WDFY3: variants seen among roughly 807,000 people sequenced by gnomAD.
WDFY3 encodes the protein WD repeat and FYVE domain-containing protein 3.
A neutral mutation model predicts 409.6 loss-of-function variants in WDFY3; 66 were observed. The observed-to-expected ratio is 0.16, with a 90% CI of 0.13 to 0.20. WDFY3 has a LOEUF of 0.20. Ranked by LOEUF, WDFY3 falls within the 10% of genes least tolerant of loss-of-function variation. WDFY3 has a pLI of 1.00. For missense variants in WDFY3, 3,031 were observed against 4,298.1 expected, an observed-to-expected ratio of 0.71 and a Z score of 8.24; for synonymous variants, 1,521 against 1,537.1, an observed-to-expected ratio of 0.99 and a Z score of 0.25.
At chr4:84,925,758 T>C (rs1446657732) in intron 2 of WDFY3, among the ~76,000 whole-genome samples, 1 of 152,044 alleles carries the variant, frequency 6.6e-6, no homozygotes, top group Non-Finnish European at 1.5e-5. Flanking sequence ...CATATTAAAG[T>C]ATGAAGTTTT....
chr4:84,803,301 T>C lies in WDFY3; in HGVS notation c.2596A>G (p.Thr866Ala), dbSNP rs1179509116. 6.2e-7 allele frequency: 1 copy of C among 1,606,782 alleles called. No individual in the cohort carries two copies. The highest frequency in any genetic ancestry group is 1.3e-5 in the African/African-American group (1 of 74,520). The change falls in exon 16 of 68, where the codon ACA becomes GCA. Residue 866 changes from threonine (T) to alanine (A), a missense_variant. Physicochemically the swap from Thr to Ala is moderately conservative, Grantham distance 58. Around this residue, in one of 16 missense-constraint regions of WDFY3, gnomAD observed 1,322 missense variants for 1,697.9 expected, o/e 0.78. Transcript: ENST00000295888. ...ATATTCAAGCTTACTTCTGGCTGTG[T>C]CACTGACCCAACAGAGGCCAGTAGG... ...LDLLASVGSV[T>A]QPEHALDLQL...
intron 55 of WDFY3, 131 bp from the exon 56 acceptor site, chr4:84,702,637 C>A: frequency 1.4e-6 from 1 of 717,910 alleles, no homozygotes; most frequent in Non-Finnish European, 2.1e-6. Flanking sequence ...ACATTAAATA[C>A]GCACAAATTT....
intron 3 of WDFY3, among the ~76,000 whole-genome samples, chr4:84,884,140 G>A (rs1362362228): frequency 6.6e-6 from 1 of 152,028 alleles, no homozygotes; most frequent in Non-Finnish European, 1.5e-5. Context: ...ACTGAGTCAC[G>A]CCAAGACATT....
At chr4:84,936,003 C>T (rs949564980) in intron 1 of WDFY3, among the ~76,000 whole-genome samples, 5 of 152,084 alleles carry the variant, frequency 3.3e-5, no homozygotes, top group African/African-American at 1.2e-4. Context: ...TCCTTGCCTC[C>T]AATTTAGAGT....
At chr4:84,936,977 T>G (rs573678373) in intron 1 of WDFY3, among the ~76,000 whole-genome samples, 6 of 152,106 alleles carry the variant, frequency 3.9e-5, no homozygotes, top group African/African-American at 1.4e-4. Context: ...TAAAGCAAAA[T>G]CACTGGCAAA....
At position 84,688,258 on chromosome 4, in the gene WDFY3, A is replaced by C. The variant is rs145513345; in HGVS notation, c.9371T>G (p.Leu3124Arg). 6.2e-7 allele frequency: 1 copy of C among 1,613,370 alleles called. No homozygotes were observed. The change falls in exon 62 of 68, where the codon CTG (leucine) becomes CGG (arginine). Residue 3124 changes from leucine (L) to arginine (R), a missense_variant. Leu to Arg is a moderately radical substitution (Grantham distance 102). Transcript: ENST00000295888. The part of the protein sequence containing the change: ...AKTVTLKQAL[L>R]GHTDTVTCAT... ...GCAGGTGACGGTATCAGTGTGGCCC[A>C]GTAAGGCCTACGAATGAGAACAAAC...
chr4:84,908,726 A>G (rs1292386035), intron 2 of WDFY3, among the ~76,000 whole-genome samples: 5 of 152,126 alleles, frequency 3.3e-5, no homozygotes, highest in Non-Finnish European at 7.4e-5. Context: ...GAGATACTGT[A>G]TTACCTCTCC....
At chr4:84,932,896 C>T (rs1189081474) in intron 1 of WDFY3, among the ~76,000 whole-genome samples, 1 of 152,118 alleles carries the variant, frequency 6.6e-6, no homozygotes, top group Non-Finnish European at 1.5e-5. Context: ...ATTTGGGTTG[C>T]CTTATACAGG....
chr4:84,808,194 AC>A, intron 15 of WDFY3, 139 bp downstream of exon 15: 1 of 686,612 alleles, frequency 1.5e-6, no homozygotes, highest in Non-Finnish European at 2.4e-6. Context: ...ACCCCCCAAA[AC>A]CCCAAAAGTA....
intron 3 of WDFY3, among the ~76,000 whole-genome samples, chr4:84,872,395 G>A (rs1158612629): frequency 6.6e-6 from 1 of 151,578 alleles, no homozygotes; most frequent in Non-Finnish European, 1.5e-5. Flanking sequence ...AACCCTGGAG[G>A]CAGAGGTTGC....
At chr4:84,818,505 T>A (rs558048127) in intron 12 of WDFY3, among the ~76,000 whole-genome samples, 1 of 152,264 alleles carries the variant, frequency 6.6e-6, no homozygotes, top group South Asian at 2.1e-4. Flanking sequence ...ACTAAAACAG[T>A]GTATTCTGCT....
At chr4:84,718,196 GAAAT>G (rs1245292479) in intron 48 of WDFY3, among the ~76,000 whole-genome samples, 1 of 150,076 alleles carries the variant, frequency 6.7e-6, no homozygotes, top group African/African-American at 2.5e-5. Flanking sequence ...AGAATGCACA[GAAAT>G]AAATGTTATT....
intron 9 of WDFY3, among the ~76,000 whole-genome samples, chr4:84,828,382 TAATAAA>T (rs1433113936): frequency 6.6e-6 from 1 of 152,230 alleles, no homozygotes; most frequent in African/African-American, 2.4e-5. Flanking sequence ...TTAAGTACAT[TAATAAA>T]AAGACTAGAA....
At chr4:84,804,947 T>G (rs1308307410) in intron 15 of WDFY3, among the ~76,000 whole-genome samples, 2 of 152,100 alleles carry the variant, frequency 1.3e-5, no homozygotes, top group East Asian at 3.9e-4. Flanking sequence ...CTAACACAGG[T>G]TGAGTACCCC....
intron 49 of WDFY3, among the ~76,000 whole-genome samples, chr4:84,716,198 G>A (rs1343740885): frequency 1.3e-5 from 2 of 151,968 alleles, no homozygotes; most frequent in Non-Finnish European, 2.9e-5. Context: ...AGCACTTTGG[G>A]AGGCCGAGGC....
chr4:84,679,282 T>C (rs1025990397), intron 64 of WDFY3, 40 bp from the exon 65 acceptor site: 24 of 1,446,194 alleles, frequency 1.7e-5, no homozygotes, highest in Admixed American at 2.8e-5. Context: ...TACGGAACCA[T>C]CAAAGTTACA....
intron 13 of WDFY3, 110 bp from the exon 14 acceptor site, chr4:84,810,454 T>C (rs2149732830): frequency 1.0e-6 from 1 of 979,020 alleles, no homozygotes; most frequent in Non-Finnish European, 1.4e-6. Context: ...TGACATGTTT[T>C]TATCATTTAC....
At chr4:84,722,912 G>A (rs1578253309) in intron 46 of WDFY3, among the ~76,000 whole-genome samples, 1 of 152,158 alleles carries the variant, frequency 6.6e-6, no homozygotes, top group East Asian at 1.9e-4. Flanking sequence ...ATCAAATCCT[G>A]CAGAGAACAT....
At chr4:84,864,958 G>A (rs1248771898) in intron 3 of WDFY3, among the ~76,000 whole-genome samples, 1 of 151,552 alleles carries the variant, frequency 6.6e-6, no homozygotes, top group Non-Finnish European at 1.5e-5. Context: ...TGCAATCACT[G>A]TGCTCACTGC....
Sources: gnomAD v4.1 joint callset for allele counts (sites outside exome capture counted in the v4.1 genomes callset) on GRCh38, gnomAD v4.1.1 for gene constraint, gnomAD v4.1.1 regional missense constraint, MANE v1.5 for transcripts, NCBI Gene and HGNC (gene_info 2026-07-23, HGNC 2026-07-21) for gene names.